The following TEC variants were observed in gnomAD, a reference collection of about 807,000 sequenced individuals.
The protein encoded by TEC is tec protein tyrosine kinase, also known as tyrosine-protein kinase Tec.
A neutral mutation model predicts 93.0 loss-of-function variants in TEC; 72 were observed. The observed-to-expected ratio is 0.77, with a 90% CI of 0.64 to 0.94. TEC has a LOEUF of 0.94. Among genes scored for constraint, TEC ranks in the 40% least tolerant of loss-of-function variants. The probability of loss-of-function intolerance (pLI) is 0.00; values close to 1 mark genes in which losing one functional copy is unlikely to be tolerated. For synonymous variants in TEC, 249 were observed against 247.7 expected, an observed-to-expected ratio of 1.01 and a Z score of -0.05; for missense variants, 630 against 757.9, an observed-to-expected ratio of 0.83 and a Z score of 1.98.
intron 2 of TEC, among the ~76,000 whole-genome samples, chr4:48,177,627 A>G (rs945393558): frequency 5.0e-4 from 76 of 152,216 alleles, no homozygotes; most frequent in African/African-American, 1.8e-3. Flanking sequence ...ATATCCCCCA[A>G]CATATGCACA....
intron 1 of TEC, among the ~76,000 whole-genome samples, chr4:48,240,804 G>A (rs1004196332): frequency 4.0e-5 from 6 of 151,210 alleles, no homozygotes; most frequent in African/African-American, 7.3e-5. Context: ...ACCAAAGGTC[G>A]GCATCATAAC....
At chr4:48,193,127 T>C (rs1159940944) in intron 2 of TEC, among the ~76,000 whole-genome samples, 1 of 151,680 alleles carries the variant, frequency 6.6e-6, no homozygotes, top group Non-Finnish European at 1.5e-5. Context: ...CAATATCCAG[T>C]TGTAGCCACC....
At chr4:48,249,531 T>G (rs1724148547) in intron 1 of TEC, among the ~76,000 whole-genome samples, 1 of 152,266 alleles carries the variant, frequency 6.6e-6, no homozygotes, top group South Asian at 2.1e-4. Flanking sequence ...TGCTAGTATG[T>G]GCCTTCCTGA....
chr4:48,165,742 G>A (rs1720850167), intron 7 of TEC, among the ~76,000 whole-genome samples: 1 of 152,188 alleles, frequency 6.6e-6, no homozygotes, highest in Non-Finnish European at 1.5e-5. Flanking sequence ...TAAATGACCT[G>A]CTTTCATCAA....
chr4:48,264,377 C>T (rs58620171), intron 1 of TEC, among the ~76,000 whole-genome samples: 10,605 of 152,238 alleles, frequency 0.07, 558 homozygotes, highest in East Asian at 0.24. Context: ...CCTACTCCTT[C>T]ACCCTTCAGG....
chr4:48,229,448 T>C (rs1723583789), intron 1 of TEC, among the ~76,000 whole-genome samples: 1 of 152,240 alleles, frequency 6.6e-6, no homozygotes. Context: ...TGAGACAAGT[T>C]GAATTAACAA....
chr4:48,232,131 A>G (rs1245877905), intron 1 of TEC, among the ~76,000 whole-genome samples: 1 of 151,742 alleles, frequency 6.6e-6, no homozygotes, highest in Admixed American at 6.6e-5. Flanking sequence ...TCTATTAAAA[A>G]TACAAAAACT....
rs190910364 is a variant in TEC at position 48,169,009 on chromosome 4, G to T, written c.455-383C>A. Among the ~76,000 whole-genome samples, 26 of 152,218 alleles carry T rather than the reference G, an allele frequency of 1.7e-4. No individual in the cohort carries two copies. In the East Asian group the frequency reaches 4.6e-3, roughly 27 times the overall value. ...CTACAGTCCACAGTCCTAGAGTTTT[G>T]GCTGACACATGGCTACCCAAGATAA... On this transcript the variant is annotated intron_variant, in intron 5 of 17. Transcript: ENST00000381501.
chr4:48,164,848 C>A (rs1436083507), intron 7 of TEC, among the ~76,000 whole-genome samples: 1 of 151,950 alleles, frequency 6.6e-6, no homozygotes, highest in Non-Finnish European at 1.5e-5. Context: ...CTAAAAAATA[C>A]AAAAATTAGC....
At chr4:48,179,051 T>G (rs11727920) in intron 2 of TEC, among the ~76,000 whole-genome samples, 1 of 152,036 alleles carries the variant, frequency 6.6e-6, no homozygotes, top group East Asian at 1.9e-4. Context: ...GCCCTGACTT[T>G]GGGTTGTCCT....
chr4:48,210,326 AAAAAC>A (rs1722857895), intron 2 of TEC, among the ~76,000 whole-genome samples: 1 of 152,108 alleles, frequency 6.6e-6, no homozygotes, highest in Admixed American at 6.5e-5. Flanking sequence ...CTACAAAACT[AAAAAC>A]AAAAAATTAG....
intron 10 of TEC, 78 bp from the exon 11 acceptor site, chr4:48,149,768 A>C: frequency 1.4e-6 from 2 of 1,424,306 alleles, no homozygotes; most frequent in Middle Eastern, 4.8e-4. Context: ...CTACAAGGGC[A>C]ACCACAGTGT....
intron 5 of TEC, 111 bp from the exon 6 acceptor site, chr4:48,168,737 C>A: frequency 9.3e-7 from 1 of 1,080,460 alleles, no homozygotes; most frequent in Admixed American, 2.3e-5. Context: ...AGACAAGCAG[C>A]ACACTCTGAC....
chr4:48,186,035 T>G (rs1577733192), intron 2 of TEC, among the ~76,000 whole-genome samples: 1 of 152,288 alleles, frequency 6.6e-6, no homozygotes, highest in East Asian at 1.9e-4. Context: ...TTTTTGCATT[T>G]TTTGGTGGAG....
At chr4:48,266,534 C>T (rs1231311455) in intron 1 of TEC, among the ~76,000 whole-genome samples, 3 of 152,124 alleles carry the variant, frequency 2.0e-5, no homozygotes, top group African/African-American at 7.2e-5. Flanking sequence ...CAAACAAATC[C>T]ATTATTAACT....
At chr4:48,143,819 T>A (rs763303222) in intron 14 of TEC, among the ~76,000 whole-genome samples, 1 of 152,214 alleles carries the variant, frequency 6.6e-6, no homozygotes, top group African/African-American at 2.4e-5. Context: ...TTTCCTCATC[T>A]GTAAAAAGGG....
chr4:48,142,768 C>T (rs1019744061), intron 14 of TEC, among the ~76,000 whole-genome samples: 8 of 152,052 alleles, frequency 5.3e-5, no homozygotes, highest in African/African-American at 1.9e-4. Context: ...GCAACCTCCA[C>T]CTCCTGGGTT....
chr4:48,209,387 G>C (rs1473672246), intron 2 of TEC, among the ~76,000 whole-genome samples: 1 of 152,034 alleles, frequency 6.6e-6, no homozygotes, highest in East Asian at 1.9e-4. Flanking sequence ...AGGACTACTT[G>C]AGCCCAGGAG....
chr4:48,265,374 GAT>G (rs769471632), intron 1 of TEC, among the ~76,000 whole-genome samples: 15 of 145,290 alleles, frequency 1.0e-4, no homozygotes, highest in Admixed American at 2.8e-4. Context: ...CAATGAGATA[GAT>G]ATATATATAT....
Sources: allele counts gnomAD v4.1 joint callset (sites outside exome capture counted in the v4.1 genomes callset), GRCh38; gene constraint gnomAD v4.1.1; transcripts MANE v1.5; gene names NCBI Gene and HGNC (gene_info 2026-07-23, HGNC 2026-07-21).